FEZ2: variants seen among roughly 807,000 people sequenced by gnomAD.
FEZ2 encodes fasciculation and elongation protein zeta 2, also known as fasciculation and elongation protein zeta-2.
Under a neutral mutation model 40.4 loss-of-function variants are expected in FEZ2, and 51 were observed. The ratio of observed to expected loss-of-function variants is 1.26; its 90% confidence interval spans 1.01 to 1.59. The LOEUF is 1.59. Ranked by LOEUF, FEZ2 falls within the 40% of genes most tolerant of loss-of-function variation. FEZ2 has a pLI of 0.00. For missense variants in FEZ2, 640 were observed against 438.3 expected (o/e 1.46, Z -4.11); for synonymous variants, 242 against 172.0 (o/e 1.41, Z -3.18).
chr2:36,552,512 A>C lies in FEZ2; in HGVS notation c.*651T>G. On this transcript the variant is annotated 3_prime_UTR_variant, in exon 8 of 8. Transcript: ENST00000405912. ...ATGAAGCAGAACATTTGAAAATCAA[A>C]ACTTAAATACAAGATTCTAAAAGTG... 3 of 245,968 alleles carry C rather than the reference A, an allele frequency of 1.2e-5. No individual in the cohort carries two copies. The South Asian group carries it at 1.4e-4, about 11-fold the overall frequency. 15.2% of individuals were successfully genotyped at this position (245,968 alleles called of 1,614,324 possible). A position where few individuals can be genotyped will look rare whatever the true frequency, so the allele number is the denominator to read the frequency against.
At chr2:36,561,143 T>C (rs1668082319) in intron 5 of FEZ2, among the ~76,000 whole-genome samples, 1 of 152,286 alleles carries the variant, frequency 6.6e-6, no homozygotes, top group Non-Finnish European at 1.5e-5. Context: ...ATGTTGTAAG[T>C]TGTACACATA....
intron 5 of FEZ2, among the ~76,000 whole-genome samples, chr2:36,574,172 TTATA>T (rs1668497617): frequency 2.0e-5 from 3 of 152,198 alleles, no homozygotes; most frequent in Admixed American, 2.0e-4. Flanking sequence ...TTTGCTAATC[TTATA>T]TACATTATTT....
chr2:36,574,126 T>C (rs561199713), intron 5 of FEZ2, among the ~76,000 whole-genome samples: 7 of 152,332 alleles, frequency 4.6e-5, no homozygotes, highest in South Asian at 4.1e-4. Context: ...GTTGGACATA[T>C]ATAACAATTA....
intron 1 of FEZ2, among the ~76,000 whole-genome samples, chr2:36,593,048 T>C (rs1464766047): frequency 1.3e-5 from 2 of 152,232 alleles, no homozygotes; most frequent in African/African-American, 4.8e-5. Flanking sequence ...GCTGGGTTTC[T>C]GGCTCATACC....
intron 2 of FEZ2, chr2:36,590,648 C>T (rs1558459694): frequency 2.5e-6 from 1 of 394,472 alleles, no homozygotes; most frequent in African/African-American, 2.1e-5. Flanking sequence ...CAGAGTGAGA[C>T]TCCGTCAAAA....
intron 5 of FEZ2, among the ~76,000 whole-genome samples, chr2:36,563,511 C>T (rs565222112): frequency 6.7e-5 from 9 of 134,776 alleles, no homozygotes; most frequent in Non-Finnish European, 1.4e-4. Flanking sequence ...GAAGGTTCTA[C>T]AGGAAAAAAA....
intron 5 of FEZ2, among the ~76,000 whole-genome samples, chr2:36,576,108 T>C (rs1330901332): frequency 6.6e-6 from 1 of 152,194 alleles, no homozygotes; most frequent in Non-Finnish European, 1.5e-5. Flanking sequence ...CTGCATGTGA[T>C]ATAAAATGCT....
intron 2 of FEZ2, among the ~76,000 whole-genome samples, chr2:36,586,954 A>G (rs1486441878): frequency 2.0e-5 from 3 of 152,182 alleles, no homozygotes; most frequent in Non-Finnish European, 4.4e-5. Context: ...TCAATCTATC[A>G]ATCAATCAAA....
intron 4 of FEZ2, among the ~76,000 whole-genome samples, chr2:36,580,532 T>A (rs191374441): frequency 6.6e-6 from 1 of 152,346 alleles, no homozygotes; most frequent in East Asian, 1.9e-4. Context: ...ACATTTTTCA[T>A]GAAAATCAAC....
chr2:36,581,483 C>A, intron 3 of FEZ2, 52 bp from the exon 4 acceptor site: 2 of 1,550,254 alleles, frequency 1.3e-6, no homozygotes, highest in Non-Finnish European at 1.8e-6. Context: ...GGAAAATGAT[C>A]TATCTGGAAC....
intron 5 of FEZ2, among the ~76,000 whole-genome samples, chr2:36,567,654 C>T (rs369572644): frequency 1.3e-5 from 2 of 151,704 alleles, no homozygotes; most frequent in South Asian, 2.1e-4. Flanking sequence ...CCCAGCTACT[C>T]GAGAGGCTCA....
chr2:36,563,236 G>A (rs914610599), intron 5 of FEZ2, among the ~76,000 whole-genome samples: 1 of 152,194 alleles, frequency 6.6e-6, no homozygotes, highest in Non-Finnish European at 1.5e-5. Flanking sequence ...AGGCTTAGGG[G>A]AAATTAGTGA....
At chr2:36,568,768 T>C (rs2125226958) in intron 5 of FEZ2, among the ~76,000 whole-genome samples, 1 of 152,342 alleles carries the variant, frequency 6.6e-6, no homozygotes, top group South Asian at 2.1e-4. Flanking sequence ...TCAACACCAG[T>C]ATTTACGCTG....
rs575258464 is a variant in FEZ2 at position 36,597,649 on chromosome 2, G to A, written c.266+228C>T. Reference sequence around the variant, plus strand: ...GAGGGTTTGGTTTGCAGGAAGGAGGGCGGGAGGTACCGAGGCGGAGGTTTT... The same window carrying A: ...GAGGGTTTGGTTTGCAGGAAGGAGGACGGGAGGTACCGAGGCGGAGGTTTT... On this transcript the variant is annotated intron_variant, in intron 1 of 7. Coordinates refer to ENST00000405912, the MANE Select transcript of FEZ2 (RefSeq NM_005102.3). 1.5e-3 allele frequency among the ~76,000 whole-genome samples: 235 copies of A among 152,382 alleles called. 2 individuals carry two copies. The highest frequency in any genetic ancestry group is 5.5e-3 in the African/African-American group (229 of 41,600).
chr2:36,590,934 T>C lies in FEZ2; in HGVS notation c.344A>G (p.His115Arg). The change falls in exon 2 of 8, where the codon CAC (histidine) becomes CGC (arginine). Residue 115 changes from histidine to arginine, a missense_variant. His to Arg is a conservative substitution (Grantham distance 29, BLOSUM62 0). Transcript: ENST00000405912. The part of the protein sequence containing the change: ...DWKSSHTRTL[H>R]LLTLNLSEKG... ...TTCTGAGAGGTTCAGAGTAAGCAAGTGCAAGGTCCTAGTATGCGATGACTT... is the reference window on the plus strand; with the variant it reads ...TTCTGAGAGGTTCAGAGTAAGCAAGCGCAAGGTCCTAGTATGCGATGACTT... 1.2e-6 allele frequency: 2 copies of C among 1,611,478 alleles called. No homozygotes were observed. Among genetic ancestry groups the C allele is most frequent in the Non-Finnish European group, 1.7e-6 (2 of 1,177,522 alleles).
rs1347321072 is a variant in FEZ2 at position 36,597,524 on chromosome 2, T to C, written c.266+353A>G. ...TCAGCAGGTGCTTAATAAATGCGAC[T>C]TGAGTGAATGAATGGCGACACACGT... On this transcript the variant is annotated intron_variant, in intron 1 of 7. Transcript: ENST00000405912. Among the ~76,000 whole-genome samples the C allele has an allele frequency of 2.6e-5, 4 of 152,146 alleles. No individual in the cohort carries two copies. The East Asian group carries it at 5.8e-4, about 22-fold the overall frequency.
intron 3 of FEZ2, among the ~76,000 whole-genome samples, chr2:36,582,919 A>G (rs970833736): frequency 1.7e-4 from 26 of 152,236 alleles, no homozygotes; most frequent in African/African-American, 6.0e-4. Flanking sequence ...CCACGGGAAT[A>G]ATGCTCACTT....
chr2:36,574,791 G>C (rs1246464779), intron 5 of FEZ2, among the ~76,000 whole-genome samples: 3 of 152,216 alleles, frequency 2.0e-5, no homozygotes, highest in Admixed American at 6.5e-5. Flanking sequence ...GTGATAAACA[G>C]ACAGTGCCCT....
intron 5 of FEZ2, among the ~76,000 whole-genome samples, chr2:36,571,219 T>C (rs575383608): frequency 5.2e-4 from 79 of 152,370 alleles, no homozygotes; most frequent in Non-Finnish European, 7.6e-4. Context: ...AGCCATTATA[T>C]AGTCAAGTTT....
Sources: allele counts gnomAD v4.1 joint callset (sites outside exome capture counted in the v4.1 genomes callset), GRCh38; gene constraint gnomAD v4.1.1; transcripts MANE v1.5; gene names NCBI Gene and HGNC (gene_info 2026-07-23, HGNC 2026-07-21).